Variants in SPAG17 observed in about 807,000 individuals in gnomAD.
SPAG17 encodes sperm-associated antigen 17.
Under a neutral mutation model 273.6 loss-of-function variants are expected in SPAG17, and 169 were observed. That is an observed-to-expected ratio of 0.62 (90% CI 0.55 to 0.70). SPAG17 has a LOEUF of 0.70. SPAG17 is among the 30% of genes least tolerant of loss of function. The pLI is 0.00. For missense variants in SPAG17, 2,557 were observed against 2,627.8 expected (o/e 0.97, Z 0.59); for synonymous variants, 825 against 873.2 (o/e 0.94, Z 0.97).
chr1:118,063,629 A>G (rs1478950334), intron 18 of SPAG17, among the ~76,000 whole-genome samples: 4 of 152,178 alleles, frequency 2.6e-5, no homozygotes, highest in Non-Finnish European at 5.9e-5. Flanking sequence ...AACCATAAAA[A>G]CCCTAGAAGA....
In SPAG17 at chr1:117,971,921, C is replaced by T; in HGVS notation, c.6268G>A (p.Glu2090Lys). The T allele has an allele frequency of 1.9e-6, 3 of 1,614,122 alleles. No homozygotes were observed. In the South Asian group the frequency reaches 3.3e-5, roughly 18 times the overall value. ...ACAACTGTGGCATAGGTATGTCCTT[C>T]CTTAAGCACTCCAAACTTGACTGAT... is the stretch of plus-strand genomic sequence containing the variant. ...PSSVKFGVLK[E>K]GHTYATVVKL... Residue 2090 changes from glutamate (E) to lysine (K), a missense_variant, in exon 45 of 49, where the codon GAA (glutamate) becomes AAA (lysine). Transcript: ENST00000336338.
chr1:117,987,552 G>A (rs1448982898), intron 40 of SPAG17, among the ~76,000 whole-genome samples: 1 of 152,174 alleles, frequency 6.6e-6, no homozygotes, highest in Non-Finnish European at 1.5e-5. Context: ...TCTGCATTAA[G>A]TTCCAGAATA....
chr1:117,993,809 T>C (rs1191148979), intron 35 of SPAG17, among the ~76,000 whole-genome samples: 2 of 152,208 alleles, frequency 1.3e-5, no homozygotes, highest in African/African-American at 2.4e-5. Flanking sequence ...TAAAATGAAA[T>C]GGTAAATTAT....
rs187769072 is a variant in SPAG17, at chr1:118,134,064, T to G, written c.315+16479A>C. Among the ~76,000 whole-genome samples, 282 of 152,344 alleles carry G rather than the reference T, an allele frequency of 1.9e-3. 1 individual carries two copies. Among genetic ancestry groups the G allele is most frequent in the Middle Eastern group, 0.01 (3 of 294 alleles). On this transcript the variant is annotated intron_variant, in intron 3 of 48. Coordinates refer to ENST00000336338, the MANE Select transcript of SPAG17 (RefSeq NM_206996.4). ...TGGAACTATCAGAAGGACTGTAAAT[T>G]CATACAAATTGTCTTGAATGCACTT...
intron 13 of SPAG17, among the ~76,000 whole-genome samples, chr1:118,084,454 C>T (rs1654834002): frequency 6.6e-6 from 1 of 152,154 alleles, no homozygotes; most frequent in South Asian, 2.1e-4. Flanking sequence ...TCTACATATT[C>T]CCTTAAGTGG....
At chr1:118,012,204 A>G (rs367947341) in intron 30 of SPAG17, 24 bp downstream of exon 30, 2 of 1,602,066 alleles carry the variant, frequency 1.2e-6, no homozygotes, top group Non-Finnish European at 1.7e-6. Context: ...AAATATTGTC[A>G]TGTACTCAGA....
At chr1:118,029,799 T>C (rs2101874798) in intron 25 of SPAG17, among the ~76,000 whole-genome samples, 1 of 152,326 alleles carries the variant, frequency 6.6e-6, no homozygotes, top group Non-Finnish European at 1.5e-5. Flanking sequence ...GGATATTTGT[T>C]TTTTTCTAAC....
At chr1:118,100,418 G>A (rs1441288400) in intron 5 of SPAG17, among the ~76,000 whole-genome samples, 1 of 152,046 alleles carries the variant, frequency 6.6e-6, no homozygotes, top group African/African-American at 2.4e-5. Context: ...TTAATATTAA[G>A]ACATGATCTT....
intron 31 of SPAG17, among the ~76,000 whole-genome samples, chr1:118,007,184 T>A (rs1412758961): frequency 1.3e-5 from 2 of 152,194 alleles, no homozygotes; most frequent in African/African-American, 4.8e-5. Context: ...TTTATATCTA[T>A]GTTTTCTTTC....
chr1:118,109,950 TAC>T (rs1023594435), intron 4 of SPAG17, among the ~76,000 whole-genome samples: 1 of 152,220 alleles, frequency 6.6e-6, no homozygotes, highest in Non-Finnish European at 1.5e-5. Flanking sequence ...TTGTATCTAA[TAC>T]ACAGTGATTT....
Position 118,008,138 on chromosome 1 carries a change from T to A in SPAG17, c.4493A>T (p.Tyr1498Phe). 2 of 1,614,056 alleles carry A rather than the reference T, an allele frequency of 1.2e-6. No homozygotes were observed. Among genetic ancestry groups the A allele is most frequent in the South Asian group, 1.1e-5 (1 of 91,084 alleles). ...CTCACAGTTGGCGATAACAGTGGCATAGCGTGAGCTTTCTACCCGCATACA... is the reference window on the plus strand; with the variant it reads ...CTCACAGTTGGCGATAACAGTGGCAAAGCGTGAGCTTTCTACCCGCATACA... ...VKCMRVESSRYATVIANCEDS... is the reference protein window; with the variant it reads ...VKCMRVESSRFATVIANCEDS... Residue 1498 changes from tyrosine (Y) to phenylalanine (F), a missense_variant, in exon 31 of 49, where the codon TAT (tyrosine) becomes TTT (phenylalanine). By Grantham distance (22) the Tyr-to-Phe change is conservative (BLOSUM62 3). Transcript: ENST00000336338.
At chr1:117,992,769 G>GA (rs907449708) in intron 35 of SPAG17, 121 bp from the exon 36 acceptor site, 39 of 871,818 alleles carry the variant, frequency 4.5e-5, no homozygotes, top group Non-Finnish European at 5.2e-5. Context: ...ACACAGTGGT[G>GA]AAAAAAAATC....
At chr1:117,961,610 TTG>T (rs1653109779) in intron 48 of SPAG17, 1 of 152,228 alleles carries the variant, frequency 6.6e-6, no homozygotes, top group South Asian at 2.1e-4. Context: ...AGTTACTGTG[TTG>T]TGGGGCCACC....
At chr1:118,106,929 A>G (rs1394954786) in intron 4 of SPAG17, among the ~76,000 whole-genome samples, 2 of 152,158 alleles carry the variant, frequency 1.3e-5, no homozygotes, top group African/African-American at 2.4e-5. Context: ...CTAGAAGCTC[A>G]GGAACTCTCT....
chr1:118,058,274 C>G (rs767683217), intron 18 of SPAG17, among the ~76,000 whole-genome samples: 3 of 152,106 alleles, frequency 2.0e-5, no homozygotes, highest in Non-Finnish European at 4.4e-5. Context: ...GGGGTACAAT[C>G]ATGTCTCACA....
chr1:118,100,641 C>T (rs1206953528), intron 5 of SPAG17, among the ~76,000 whole-genome samples: 1 of 152,134 alleles, frequency 6.6e-6, no homozygotes, highest in African/African-American at 2.4e-5. Flanking sequence ...TTCATAATAT[C>T]ACTTCTTCCA....
intron 48 of SPAG17, among the ~76,000 whole-genome samples, chr1:117,956,584 TAA>T (rs1438421827): frequency 6.6e-6 from 1 of 152,216 alleles, no homozygotes; most frequent in Non-Finnish European, 1.5e-5. Context: ...GATATCCTCT[TAA>T]GATTTTAAAT....
At chr1:118,132,065 T>A (rs1658082024) in intron 3 of SPAG17, among the ~76,000 whole-genome samples, 1 of 152,184 alleles carries the variant, frequency 6.6e-6, no homozygotes, top group East Asian at 1.9e-4. Context: ...CATGGAGCAT[T>A]CAGGACAGTA....
chr1:117,955,662 CTTCTT>C (rs908017110), intron 48 of SPAG17, among the ~76,000 whole-genome samples: 106 of 151,646 alleles, frequency 7.0e-4, no homozygotes, highest in African/African-American at 2.5e-3. Context: ...TATATTTTGG[CTTCTT>C]TTCTATGTAC....
Sources: allele counts gnomAD v4.1 joint callset (sites outside exome capture counted in the v4.1 genomes callset), GRCh38; gene constraint gnomAD v4.1.1; transcripts MANE v1.5; gene names NCBI Gene and HGNC (gene_info 2026-07-23, HGNC 2026-07-21).